The following SLC35F4 variants were observed in gnomAD, a reference collection of about 807,000 sequenced individuals.
SLC35F4 encodes chromosome 14 open reading frame 36.
Under a neutral mutation model 44.2 loss-of-function variants are expected in SLC35F4, and 24 were observed. The observed-to-expected ratio is 0.54, with a 90% CI of 0.39 to 0.76. The LOEUF is 0.76. Among genes scored for constraint, SLC35F4 ranks in the 30% least tolerant of loss-of-function variants. The pLI is 0.00. For synonymous variants in SLC35F4, 238 were observed against 223.6 expected (o/e 1.06, Z -0.57); for missense variants, 562 against 586.1 (o/e 0.96, Z 0.42).
At chr14:57,830,591 T>C (rs1235970676) in intron 1 of SLC35F4, among the ~76,000 whole-genome samples, 3 of 152,214 alleles carry the variant, frequency 2.0e-5, no homozygotes, top group African/African-American at 7.2e-5. Context: ...AACTCACTTA[T>C]GAAGCCTATA....
At chr14:57,669,306 A>C (rs2074428220) in intron 1 of SLC35F4, among the ~76,000 whole-genome samples, 1 of 151,822 alleles carries the variant, frequency 6.6e-6, no homozygotes, top group African/African-American at 2.4e-5. Context: ...TCTTTTCCTA[A>C]TTGAATACCC....
chr14:57,706,395 A>G (rs1185984170), intron 1 of SLC35F4, among the ~76,000 whole-genome samples: 1 of 152,190 alleles, frequency 6.6e-6, no homozygotes, highest in Admixed American at 6.5e-5. Flanking sequence ...TGAGACTGTC[A>G]TATATTCACT....
At chr14:57,888,271 G>C (rs963095102) in intron 1 of SLC35F4, among the ~76,000 whole-genome samples, 1 of 152,122 alleles carries the variant, frequency 6.6e-6, no homozygotes, top group African/African-American at 2.4e-5. Context: ...AGTTTGCAGA[G>C]GTATTTCATA....
intron 1 of SLC35F4, among the ~76,000 whole-genome samples, chr14:57,798,231 A>T (rs764965698): frequency 6.6e-6 from 1 of 152,086 alleles, no homozygotes; most frequent in Non-Finnish European, 1.5e-5. Flanking sequence ...CATGGAAATA[A>T]CATATTGAAA....
chr14:57,614,458 A>G (rs1191869124), intron 1 of SLC35F4, among the ~76,000 whole-genome samples: 1 of 152,264 alleles, frequency 6.6e-6, no homozygotes, highest in Non-Finnish European at 1.5e-5. Context: ...TTCGTTATCA[A>G]CAATGACAAA....
At chr14:57,847,751 T>C (rs1346170398) in intron 1 of SLC35F4, among the ~76,000 whole-genome samples, 2 of 152,232 alleles carry the variant, frequency 1.3e-5, no homozygotes, top group Non-Finnish European at 2.9e-5. Flanking sequence ...TTCCCCCATG[T>C]TGTGACATCT....
intron 1 of SLC35F4, among the ~76,000 whole-genome samples, chr14:57,849,945 G>A (rs964309734): frequency 1.3e-5 from 2 of 152,166 alleles, no homozygotes; most frequent in African/African-American, 4.8e-5. Flanking sequence ...GGATACACTG[G>A]TTTGCAGTCT....
At chr14:57,932,615 G>T (rs1274692964) in intron 1 of SLC35F4, among the ~76,000 whole-genome samples, 2 of 152,154 alleles carry the variant, frequency 1.3e-5, no homozygotes, top group African/African-American at 2.4e-5. Flanking sequence ...TTGGGAGGCT[G>T]AGGCAGGTGG....
chr14:57,656,635 G>A (rs2073982641), intron 1 of SLC35F4, among the ~76,000 whole-genome samples: 1 of 152,014 alleles, frequency 6.6e-6, no homozygotes, highest in African/African-American at 2.4e-5. Flanking sequence ...CACTAGCTAT[G>A]TGCTCAGCAT....
At chr14:57,857,943 T>C (rs1018997244) in intron 1 of SLC35F4, among the ~76,000 whole-genome samples, 1 of 152,034 alleles carries the variant, frequency 6.6e-6, no homozygotes, top group African/African-American at 2.4e-5. Flanking sequence ...CCATCATCAC[T>C]GGCCATCAGA....
intron 1 of SLC35F4, among the ~76,000 whole-genome samples, chr14:57,823,362 G>A (rs1397931548): frequency 2.0e-5 from 3 of 152,110 alleles, no homozygotes; most frequent in African/African-American, 7.2e-5. Context: ...ATAGATCTCA[G>A]CAAATCTCTA....
chr14:57,680,212 G>C (rs1347633585), intron 1 of SLC35F4, among the ~76,000 whole-genome samples: 1 of 152,058 alleles, frequency 6.6e-6, no homozygotes, highest in African/African-American at 2.4e-5. Flanking sequence ...TGCAAGTCTG[G>C]TTCTACATTA....
intron 1 of SLC35F4, among the ~76,000 whole-genome samples, chr14:57,704,056 T>A (rs1317273265): frequency 6.6e-6 from 1 of 152,192 alleles, no homozygotes; most frequent in Non-Finnish European, 1.5e-5. Flanking sequence ...CTCTTCACCT[T>A]TTCTATAGCA....
intron 1 of SLC35F4, among the ~76,000 whole-genome samples, chr14:57,942,991 G>T (rs78445720): frequency 6.6e-6 from 1 of 152,066 alleles, no homozygotes; most frequent in Non-Finnish European, 1.5e-5. Flanking sequence ...CTTGAATCTA[G>T]TTTTTTTAAA....
At chr14:57,818,334 C>A (rs1882823551) in intron 1 of SLC35F4, among the ~76,000 whole-genome samples, 1 of 152,094 alleles carries the variant, frequency 6.6e-6, no homozygotes. Flanking sequence ...GTTTGTGAAC[C>A]CCTTGATTCA....
intron 1 of SLC35F4, among the ~76,000 whole-genome samples, chr14:57,777,465 A>T (rs1428608268): frequency 6.6e-6 from 1 of 152,302 alleles, no homozygotes; most frequent in East Asian, 1.9e-4. Context: ...GGATGAGTTC[A>T]TGTCTTTTGC....
intron 1 of SLC35F4, among the ~76,000 whole-genome samples, chr14:57,704,141 T>G (rs1885847): frequency 6.6e-6 from 1 of 152,168 alleles, no homozygotes; most frequent in Non-Finnish European, 1.5e-5. Flanking sequence ...AGAAACATAG[T>G]CACCCAAAAT....
At chr14:57,756,198 C>G (rs1026708772) in intron 1 of SLC35F4, among the ~76,000 whole-genome samples, 1 of 152,216 alleles carries the variant, frequency 6.6e-6, no homozygotes, top group Admixed American at 6.5e-5. Flanking sequence ...TTAATATAAG[C>G]CTTTAATGCC....
intron 1 of SLC35F4, among the ~76,000 whole-genome samples, chr14:57,946,430 G>A (rs1367293581): frequency 2.0e-5 from 3 of 149,746 alleles, no homozygotes; most frequent in Non-Finnish European, 4.4e-5. Context: ...AGATCAGTTG[G>A]CTGTAAGTAT....
Sources: allele counts gnomAD v4.1 joint callset (sites outside exome capture counted in the v4.1 genomes callset), GRCh38; gene constraint gnomAD v4.1.1; transcripts MANE v1.5; gene names NCBI Gene and HGNC (gene_info 2026-07-23, HGNC 2026-07-21).